Variants in BRIP1 observed in about 807,000 individuals in gnomAD.
BRIP1 encodes Fanconi anemia group J protein.
In BRIP1, 88 loss-of-function variants were observed where a neutral mutation model predicts 119.7. That is an observed-to-expected ratio of 0.74 (90% CI 0.62 to 0.88). BRIP1 has a LOEUF of 0.88. BRIP1 is among the 40% of genes least tolerant of loss of function. The pLI is 0.00. For missense variants in BRIP1, 1,259 were observed against 1,455.4 expected, an observed-to-expected ratio of 0.87 and a Z score of 2.20; for synonymous variants, 443 against 496.5, an observed-to-expected ratio of 0.89 and a Z score of 1.43.
In BRIP1 at chr17:61,690,794, T is replaced by G. The variant is rs922949736; in HGVS notation, c.2575+2636A>C. Among the ~76,000 whole-genome samples the G allele has an allele frequency of 2.0e-5, 3 of 151,906 alleles. 1 individual carries two copies. The highest frequency in any genetic ancestry group is 4.4e-5 in the Non-Finnish European group (3 of 67,962). On this transcript the variant is annotated intron_variant, in intron 18 of 19. Coordinates refer to ENST00000259008, the MANE Select transcript of BRIP1 (RefSeq NM_032043.3). The surrounding 1 kb of genome is among the most constrained non-coding windows in gnomAD (Gnocchi z 5.6). ...ACATGATCTTTTATGTGGAAAACCC[T>G]AAAGATTGAAAAAAAACCTGTTAGG...
intron 18 of BRIP1, among the ~76,000 whole-genome samples, chr17:61,692,504 A>C (rs2061462057): frequency 6.6e-6 from 1 of 152,176 alleles, no homozygotes; most frequent in Non-Finnish European, 1.5e-5. Flanking sequence ...AACCAAAAAA[A>C]CAGATATGCA....
chr17:61,835,633 G>T (rs2078560358), intron 6 of BRIP1, among the ~76,000 whole-genome samples: 1 of 151,628 alleles, frequency 6.6e-6, no homozygotes, highest in Admixed American at 6.6e-5. Context: ...TAGGGCAGGG[G>T]TCTACTGCTT....
Position 61,744,655 on chromosome 17 carries a change from G to T in BRIP1, c.2098-64C>A. On this transcript the variant is annotated intron_variant, in intron 14 of 19. Coordinates refer to ENST00000259008, the MANE Select transcript of BRIP1 (RefSeq NM_032043.3). The surrounding 1 kb of genome is among the most constrained non-coding windows in gnomAD (Gnocchi z 5.0). ...TAGCTAAACAAACTTAACTTCATTT[G>T]TTTAAGCCAATGTGACTACGGCAAG... The T allele has an allele frequency of 7.0e-7, 1 of 1,436,450 alleles. No individual in the cohort carries two copies. Among genetic ancestry groups the T allele is most frequent in the Non-Finnish European group, 9.8e-7 (1 of 1,020,252 alleles). The allele number at this position is 1,436,450 out of a possible 1,614,324, so 89.0% of individuals were successfully genotyped here. A position where few individuals can be genotyped will look rare whatever the true frequency, so the allele number is the denominator to read the frequency against.
rs1000596450 is a variant in BRIP1 at position 61,713,426 on chromosome 17, G to A, written c.2492+2525C>T. Among the ~76,000 whole-genome samples, 3 of 152,058 alleles carry A rather than the reference G, an allele frequency of 2.0e-5. No individual in the cohort carries two copies. The highest frequency in any genetic ancestry group is 7.2e-5 in the African/African-American group (3 of 41,394). ...ATGCATGTTATTTATTGGTCCTGAA[G>A]ACCTTCCAGTGATTCAAGACATGGA... is the stretch of plus-strand genomic sequence containing the variant. On this transcript the variant is annotated intron_variant, in intron 17 of 19. Transcript: ENST00000259008. The surrounding 1 kb of genome is among the most constrained non-coding windows in gnomAD (Gnocchi z 4.9).
At chr17:61,741,477 G>A (rs554436673) in intron 16 of BRIP1, among the ~76,000 whole-genome samples, 79 of 152,328 alleles carry the variant, frequency 5.2e-4, no homozygotes, top group Non-Finnish European at 1.0e-3. Context: ...CAGAGGACTC[G>A]CTATCTATAG....
At chr17:61,800,712 T>C (rs1299865007) in intron 8 of BRIP1, among the ~76,000 whole-genome samples, 2 of 151,948 alleles carry the variant, frequency 1.3e-5, no homozygotes, top group Non-Finnish European at 2.9e-5. Context: ...GTAGTAAACA[T>C]AATGCCTATT....
At chr17:61,797,237 C>T (rs1603341533) in intron 9 of BRIP1, among the ~76,000 whole-genome samples, 1 of 151,436 alleles carries the variant, frequency 6.6e-6, no homozygotes, top group Non-Finnish European at 1.5e-5. Context: ...GGTCCCAGTA[C>T]CAAGTAAGTC....
rs2077962027 is a variant in BRIP1 at position 61,799,770 on chromosome 17, T to C, written c.1141-471A>G. 6.6e-6 allele frequency among the ~76,000 whole-genome samples: 1 copy of C among 152,118 alleles called. No individual in the cohort carries two copies. The highest frequency in any genetic ancestry group is 2.1e-4 in the South Asian group (1 of 4,824). On this transcript the variant is annotated intron_variant, in intron 8 of 19. Coordinates refer to ENST00000259008, the MANE Select transcript of BRIP1 (RefSeq NM_032043.3). This position sits in a 1 kb window ranked among gnomAD's most constrained non-coding sequence, Gnocchi z 5.1. The stretch of plus-strand genomic sequence containing the variant: ...GTAAAATAACAATACAAGATTAAAA[T>C]GACTCTTAAAATACTAACATAATAT...
At position 61,717,657 on chromosome 17, in the gene BRIP1, T is replaced by C. The variant is rs1488054273; in HGVS notation, c.2380-1594A>G. Among the ~76,000 whole-genome samples, 4 of 152,134 alleles carry C rather than the reference T, an allele frequency of 2.6e-5. No individual in the cohort carries two copies. Among genetic ancestry groups the C allele is most frequent in the Non-Finnish European group, 5.9e-5 (4 of 68,000 alleles). On this transcript the variant is annotated intron_variant, in intron 16 of 19. Transcript: ENST00000259008. The surrounding 1 kb of genome is among the most constrained non-coding windows in gnomAD (Gnocchi z 4.1). Reference sequence around the variant, plus strand: ...TTTGGATTGGATTACAGTGTGCTGTTGTGTGTATTTTGCTTGCGTTTTTAT... The same window carrying C: ...TTTGGATTGGATTACAGTGTGCTGTCGTGTGTATTTTGCTTGCGTTTTTAT...
chr17:61,706,805 G>A lies in BRIP1; in HGVS notation c.2492+9146C>T, dbSNP rs1461538144. ...GTTAATAACTGCCTCTTCTTTTTGT[G>A]GATTAATTTTTAATGTTTTCTGTCA... On this transcript the variant is annotated intron_variant, in intron 17 of 19. Transcript: ENST00000259008. This position sits in a 1 kb window ranked among gnomAD's most constrained non-coding sequence, Gnocchi z 5.7. Among the ~76,000 whole-genome samples the A allele has an allele frequency of 6.6e-6, 1 of 151,960 alleles. No individual in the cohort carries two copies. The highest frequency in any genetic ancestry group is 1.9e-4 in the East Asian group (1 of 5,192).
rs964560174 is a variant in BRIP1 at position 61,757,727 on chromosome 17, C to T, written c.2098-13136G>A. On this transcript the variant is annotated intron_variant, in intron 14 of 19. Transcript: ENST00000259008. The surrounding 1 kb of genome is among the most constrained non-coding windows in gnomAD (Gnocchi z 4.3). The stretch of plus-strand genomic sequence containing the variant: ...AAAAGAAAACAATAAAAGCCAGACG[C>T]GGTGGCTCACACCTGTAATCCCAGC... Among the ~76,000 whole-genome samples the T allele has an allele frequency of 9.9e-5, 15 of 152,152 alleles. No individual in the cohort carries two copies. The South Asian group carries it at 1.7e-3, about 17-fold the overall frequency.
In BRIP1 at chr17:61,845,746, T is replaced by C. The variant is rs2078718296; in HGVS notation, c.627+1355A>G. Among the ~76,000 whole-genome samples, 1 of 152,204 alleles carries C rather than the reference T, an allele frequency of 6.6e-6. No homozygotes were observed. Among genetic ancestry groups the C allele is most frequent in the Non-Finnish European group, 1.5e-5 (1 of 68,032 alleles). On this transcript the variant is annotated intron_variant, in intron 6 of 19. Transcript: ENST00000259008. The surrounding 1 kb of genome is among the most constrained non-coding windows in gnomAD (Gnocchi z 4.2). ...CAGGCGCTTCTCCCCAGGACATCCA[T>C]CCTGCTTCTGTATGCAAAAGTGTTT...
intron 6 of BRIP1, among the ~76,000 whole-genome samples, chr17:61,836,727 T>G (rs2078580006): frequency 6.6e-6 from 1 of 152,074 alleles, no homozygotes; most frequent in Admixed American, 6.6e-5. Flanking sequence ...AATAAATAAT[T>G]ATAAATTTGG....
rs1237556502 is a variant in BRIP1, at chr17:61,753,520, A to G, written c.2098-8929T>C. ...AGCATGACAAAAGATAAAACTAAAA[A>G]AGAATGTATAGAGATGAGATTGCCT... On this transcript the variant is annotated intron_variant, in intron 14 of 19. Transcript: ENST00000259008. This position sits in a 1 kb window ranked among gnomAD's most constrained non-coding sequence, Gnocchi z 4.6. 2.6e-5 allele frequency among the ~76,000 whole-genome samples: 4 copies of G among 152,210 alleles called. No homozygotes were observed. Among genetic ancestry groups the G allele is most frequent in the African/African-American group, 9.6e-5 (4 of 41,454 alleles).
chr17:61,716,167 A>G lies in BRIP1; in HGVS notation c.2380-104T>C, dbSNP rs944151416. The G allele has an allele frequency of 6.7e-6, 5 of 745,512 alleles. No individual in the cohort carries two copies. The African/African-American group carries it at 9.0e-5, about 13-fold the overall frequency. The allele number at this position is 745,512 out of a possible 1,614,324, so 46.2% of individuals were successfully genotyped here. On this transcript the variant is annotated intron_variant, in intron 16 of 19. Transcript: ENST00000259008. ...TTGAATATACATATTTTTAGGGTAG[A>G]GATTTTATTTTGTTTTTCAGTACTG...
Position 61,824,915 on chromosome 17 carries a change from A to C in BRIP1, c.628-16158T>G, listed in dbSNP as rs951758732. ...AACTCAACAACGACAAAAGCAATCC[A>C]ATTCCAAAATGGACAAAGGCAACAT... On this transcript the variant is annotated intron_variant, in intron 6 of 19. Coordinates refer to ENST00000259008, the MANE Select transcript of BRIP1 (RefSeq NM_032043.3). The surrounding 1 kb of genome is among the most constrained non-coding windows in gnomAD (Gnocchi z 4.3). Among the ~76,000 whole-genome samples, 1 of 152,224 alleles carries C rather than the reference A, an allele frequency of 6.6e-6. No individual in the cohort carries two copies. The highest frequency in any genetic ancestry group is 1.5e-5 in the Non-Finnish European group (1 of 68,030).
intron 14 of BRIP1, among the ~76,000 whole-genome samples, chr17:61,765,402 TATATATATATATATATATATA>T (rs1342617660): frequency 7.2e-4 from 11 of 15,286 alleles, no homozygotes; most frequent in South Asian, 1.7e-3. Flanking sequence ...TATATATATA[TATATATATATATATATATATA>T]TTTTTTTTTT....
chr17:61,797,249 T>C (rs1026968083), intron 9 of BRIP1, among the ~76,000 whole-genome samples: 5 of 151,742 alleles, frequency 3.3e-5, no homozygotes, highest in African/African-American at 1.2e-4. Flanking sequence ...AAGTAAGTCC[T>C]GAGGCACCCC....
At chr17:61,786,336 G>T (rs898009374) in intron 10 of BRIP1, among the ~76,000 whole-genome samples, 1 of 151,850 alleles carries the variant, frequency 6.6e-6, no homozygotes, top group African/African-American at 2.4e-5. Flanking sequence ...CAGAACCCAC[G>T]TTATTTTTTT....
Sources: allele counts gnomAD v4.1 joint callset (sites outside exome capture counted in the v4.1 genomes callset), GRCh38; gene constraint gnomAD v4.1.1; non-coding constraint Gnocchi (gnomAD v3.1); transcripts MANE v1.5; gene names NCBI Gene and HGNC (gene_info 2026-07-23, HGNC 2026-07-21).